The following FRMPD4 variants were observed in gnomAD, a reference collection of about 807,000 sequenced individuals.
FRMPD4 encodes FERM and PDZ domain-containing protein 4.
A neutral mutation model predicts 94.1 loss-of-function variants in FRMPD4; 22 were observed. The observed-to-expected ratio is 0.23, with a 90% CI of 0.17 to 0.33. FRMPD4 has a LOEUF of 0.33. Ranked by LOEUF, FRMPD4 falls within the 10% of genes least tolerant of loss-of-function variation. The pLI is 1.00. For missense variants in FRMPD4, 1,111 were observed against 1,339.9 expected (o/e 0.83, Z 2.67); for synonymous variants, 631 against 548.6 (o/e 1.15, Z -2.10).
At chrX:12,660,243 T>C (rs780708291) in intron 4 of FRMPD4, among the ~76,000 whole-genome samples, 30 of 112,489 alleles carry the variant, frequency 2.7e-4, no homozygotes, top group East Asian at 2.5e-3. Context: ...CAATGTACTT[T>C]AATCCTTTCT....
intron 1 of FRMPD4, among the ~76,000 whole-genome samples, chrX:12,384,266 G>A (rs904380202): frequency 1.8e-5 from 2 of 111,955 alleles, no homozygotes; most frequent in East Asian, 2.8e-4. Context: ...CTATAAACCC[G>A]GCACTCTGGG....
intron 2 of FRMPD4, among the ~76,000 whole-genome samples, chrX:12,605,049 T>C (rs186758366): frequency 2.3e-3 from 256 of 112,495 alleles, no homozygotes; most frequent in Non-Finnish European, 4.0e-3. Context: ...AACTGAAATA[T>C]AGAGTGATGG....
intron 1 of FRMPD4, among the ~76,000 whole-genome samples, chrX:11,834,270 T>A (rs988545319): frequency 2.7e-5 from 3 of 111,833 alleles, no homozygotes; most frequent in African/African-American, 9.8e-5. Flanking sequence ...AGGACCCAGT[T>A]CATTTCGGGG....
intron 1 of FRMPD4, among the ~76,000 whole-genome samples, chrX:12,418,342 G>A (rs867356725): frequency 3.5e-5 from 3 of 85,028 alleles, no homozygotes; most frequent in Non-Finnish European, 6.6e-5. Context: ...ATCCATCAGT[G>A]TTTCTTTCTT....
At chrX:12,300,330 G>C in intron 1 of FRMPD4, among the ~76,000 whole-genome samples, 1 of 112,035 alleles carries the variant, frequency 8.9e-6, no homozygotes, top group Non-Finnish European at 1.9e-5. Context: ...TGGATGGGCA[G>C]TCCATATGGC....
At chrX:12,044,057 A>G (rs1195441252) in intron 3 of FRMPD4, among the ~76,000 whole-genome samples, 2 of 112,091 alleles carry the variant, frequency 1.8e-5, no homozygotes, top group East Asian at 5.5e-4. Flanking sequence ...CAGTTTTCTG[A>G]ATGATAAAAC....
At chrX:12,518,300 T>C (rs1044361033) in intron 2 of FRMPD4, among the ~76,000 whole-genome samples, 11 of 111,878 alleles carry the variant, frequency 9.8e-5, no homozygotes, top group Non-Finnish European at 1.7e-4. Context: ...AAGGCCCTGG[T>C]GGCATGGGCT....
Position 11,909,570 on chromosome X carries a change from C to T in FRMPD4, c.95+31552C>T, listed in dbSNP as rs1601834052. Among the ~76,000 whole-genome samples, 4 of 108,372 alleles carry T rather than the reference C, an allele frequency of 3.7e-5. No individual in the cohort carries two copies. The South Asian group carries it at 1.6e-3, about 44-fold the overall frequency. The allele number at this position is 108,372 out of a possible 115,157, so 94.1% of individuals were successfully genotyped here. A position where few individuals can be genotyped will look rare whatever the true frequency, so the allele number is the denominator to read the frequency against. The stretch of plus-strand genomic sequence containing the variant: ...TATTCATTTTTTTTCCTTCTGCTTG[C>T]TTTAGGTTTCATTTGCTTTTCTTTA... On this transcript the variant is annotated intron_variant, in intron 3 of 18. Transcript: ENST00000640291.
At chrX:11,909,022 T>C (rs2053982819) in intron 3 of FRMPD4, among the ~76,000 whole-genome samples, 1 of 112,180 alleles carries the variant, frequency 8.9e-6, no homozygotes, top group African/African-American at 3.2e-5. Flanking sequence ...GTCTTTTTCT[T>C]ATAATATCTT....
At chrX:12,279,214 G>T (rs961128481) in intron 1 of FRMPD4, among the ~76,000 whole-genome samples, 8 of 112,607 alleles carry the variant, frequency 7.1e-5, no homozygotes, top group African/African-American at 2.3e-4. Flanking sequence ...GTCTTGGGCT[G>T]TAGTGCACCC....
At chrX:12,372,968 C>G (rs2148010080) in intron 1 of FRMPD4, among the ~76,000 whole-genome samples, 1 of 112,108 alleles carries the variant, frequency 8.9e-6, no homozygotes, top group South Asian at 3.8e-4. Context: ...ACCCTGGTTT[C>G]TAGTGCCACA....
At chrX:12,542,576 A>G (rs1165936757) in intron 2 of FRMPD4, among the ~76,000 whole-genome samples, 1 of 112,109 alleles carries the variant, frequency 8.9e-6, no homozygotes, top group Admixed American at 9.5e-5. Flanking sequence ...CCACTGCTCA[A>G]TGAAATAAAA....
intron 1 of FRMPD4, among the ~76,000 whole-genome samples, chrX:12,233,791 G>A (rs2057039150): frequency 9.0e-6 from 1 of 110,699 alleles, no homozygotes; most frequent in Non-Finnish European, 1.9e-5. Flanking sequence ...ACAACCATGG[G>A]CCATGTAAAC....
chrX:12,090,712 G>T (rs2055147068), intron 3 of FRMPD4, among the ~76,000 whole-genome samples: 1 of 111,972 alleles, frequency 8.9e-6, no homozygotes, highest in Non-Finnish European at 1.9e-5. Context: ...AATGAAAAAA[G>T]AAAGCTTGAT....
chrX:12,395,321 G>T (rs1246389139), intron 1 of FRMPD4, among the ~76,000 whole-genome samples: 1 of 112,051 alleles, frequency 8.9e-6, no homozygotes, highest in African/African-American at 3.2e-5. Context: ...TCTTGTTGAA[G>T]ATATGAAAGC....
At chrX:11,920,616 G>A (rs1455767687) in intron 3 of FRMPD4, among the ~76,000 whole-genome samples, 3 of 112,408 alleles carry the variant, frequency 2.7e-5, no homozygotes, top group African/African-American at 9.7e-5. Context: ...AACCTACTGG[G>A]TGTTAGGATT....
At chrX:12,705,027 T>A (rs918560337) in intron 11 of FRMPD4, among the ~76,000 whole-genome samples, 1 of 111,651 alleles carries the variant, frequency 9.0e-6, no homozygotes. Context: ...AAGATGCCAG[T>A]AGCACCCTCC....
At chrX:12,578,802 A>AATGC (rs2058837183) in intron 2 of FRMPD4, among the ~76,000 whole-genome samples, 1 of 112,092 alleles carries the variant, frequency 8.9e-6, no homozygotes, top group Non-Finnish European at 1.9e-5. Context: ...TTGTTGGAGC[A>AATGC]ATGCTGTCCC....
chrX:12,462,447 T>C (rs1327662688), intron 1 of FRMPD4, among the ~76,000 whole-genome samples: 1 of 112,009 alleles, frequency 8.9e-6, no homozygotes, highest in East Asian at 2.8e-4. Flanking sequence ...AGGGAATTTA[T>C]GGACTCTGCC....
Sources: gnomAD v4.1 joint callset for allele counts (sites outside exome capture counted in the v4.1 genomes callset) on GRCh38, gnomAD v4.1.1 for gene constraint, MANE v1.5 for transcripts, NCBI Gene and HGNC (gene_info 2026-07-23, HGNC 2026-07-21) for gene names.